Variants in COL1A2 observed in about 807,000 individuals in gnomAD.
COL1A2 encodes the protein collagen alpha-2(I) chain.
Under a neutral mutation model 174.3 loss-of-function variants are expected in COL1A2, and 49 were observed. The ratio of observed to expected loss-of-function variants is 0.28; its 90% CI spans 0.22 to 0.36. COL1A2 has a LOEUF of 0.36. Ranked by LOEUF, COL1A2 falls within the 10% of genes least tolerant of loss-of-function variation. COL1A2 has a pLI of 1.00. For missense variants in COL1A2, 1,438 were observed against 1,822.7 expected (o/e 0.79, Z 3.84); for synonymous variants, 655 against 606.6 (o/e 1.08, Z -1.17).
chr7:94,419,875 T>C (rs1038530976), intron 34 of COL1A2, among the ~76,000 whole-genome samples: 17 of 152,164 alleles, frequency 1.1e-4, no homozygotes, highest in African/African-American at 3.6e-4. Flanking sequence ...ATAAAATACA[T>C]AGTGTGCCCA....
chr7:94,418,042 A>C (rs1792078180), intron 32 of COL1A2, among the ~76,000 whole-genome samples: 1 of 152,182 alleles, frequency 6.6e-6, no homozygotes, highest in African/African-American at 2.4e-5. Flanking sequence ...ACACAAACAG[A>C]TGGTGTTGAG....
chr7:94,430,028 G>GGTTT (rs927582959), intron 51 of COL1A2: 3 of 578,292 alleles, frequency 5.2e-6, no homozygotes, highest in Admixed American at 3.0e-5. Context: ...TGGTTTTTTT[G>GGTTT]GTTTGTTTGT....
intron 37 of COL1A2, 81 bp downstream of exon 37, chr7:94,420,729 T>C (rs968246340): frequency 8.0e-7 from 1 of 1,249,622 alleles, no homozygotes; most frequent in African/African-American, 1.5e-5. Flanking sequence ...AAGTGCCTGC[T>C]ATGCAACAGG....
At position 94,410,381 on chromosome 7, in the gene COL1A2, T is replaced by A. The variant is rs139729939; in HGVS notation, c.1090-39T>A. 2.0e-4 allele frequency: 319 copies of A among 1,569,880 alleles called. No individual in the cohort carries two copies. In the African/African-American group the frequency reaches 3.9e-3, roughly 19 times the overall value. Reference sequence around the variant, plus strand: ...CAGCTGGACATAGTATTAAAATTATTTTTTTACTCCCTCTTCTTTTGTTCT... The same window carrying A: ...CAGCTGGACATAGTATTAAAATTATATTTTTACTCCCTCTTCTTTTGTTCT... On this transcript the variant is annotated intron_variant, in intron 20 of 51. Coordinates refer to ENST00000297268, the MANE Select transcript of COL1A2 (RefSeq NM_000089.4).
At position 94,413,696 on chromosome 7, in the gene COL1A2, C is replaced by T. The variant is rs199732595; in HGVS notation, c.1564C>T (p.Pro522Ser). ...HAGLAGARGAPGPDGNNGAQG... is the reference protein window; with the variant it reads ...HAGLAGARGASGPDGNNGAQG... ...TTCTGTTAAATATTTTTAGGGTGCT[C>T]CAGGTCCTGATGGAAACAATGGTGC... is the stretch of plus-strand genomic sequence containing the variant. The change falls in exon 27 of 52, where the codon CCA becomes TCA. Residue 522 changes from proline (P) to serine (S), a missense_variant. By Grantham distance (74) the Pro-to-Ser change is moderately conservative. Transcript: ENST00000297268. 2.0e-5 allele frequency: 32 copies of T among 1,614,052 alleles called. No homozygotes were observed. Among genetic ancestry groups the T allele is most frequent in the Admixed American group, 3.3e-5 (2 of 60,006 alleles).
chr7:94,415,433 A>G (rs1792020281), intron 30 of COL1A2, among the ~76,000 whole-genome samples, 163 bp downstream of exon 30: 2 of 152,304 alleles, frequency 1.3e-5, no homozygotes, highest in African/African-American at 4.8e-5. Context: ...TTGATAGTAG[A>G]ATTTTTTGTT....
At chr7:94,425,571 G>A (rs1321977958) in intron 42 of COL1A2, 39 bp from the exon 43 acceptor site, 7 of 1,604,114 alleles carry the variant, frequency 4.4e-6, no homozygotes, top group East Asian at 2.2e-5. Flanking sequence ...AGGCAGCAGA[G>A]CCTCACCAAC....
rs1355341375 is a variant in COL1A2 at position 94,416,335 on chromosome 7, C to G, written c.1765-70C>G. 7 of 1,328,700 alleles carry G rather than the reference C, an allele frequency of 5.3e-6. No homozygotes were observed. In the East Asian group the frequency reaches 1.5e-4, roughly 29 times the overall value. 82.3% of individuals were successfully genotyped at this position (1,328,700 alleles called of 1,614,324 possible). A position where few individuals can be genotyped will look rare whatever the true frequency, so the allele number is the denominator to read the frequency against. On this transcript the variant is annotated intron_variant, in intron 30 of 51. Transcript: ENST00000297268. ...GGCTCGGAAGCTACACAAATGTAAA[C>G]TCTCATATGTAAAACAGTATCACTG...
intron 28 of COL1A2, 73 bp downstream of exon 28, chr7:94,414,020 C>T: frequency 7.0e-7 from 1 of 1,418,448 alleles, no homozygotes; most frequent in Non-Finnish European, 1.0e-6. Context: ...TACCGTACCT[C>T]TCTTCTCCAC....
chr7:94,412,300 G>A (rs1425123676), intron 24 of COL1A2, among the ~76,000 whole-genome samples, 179 bp downstream of exon 24: 1 of 151,912 alleles, frequency 6.6e-6, no homozygotes, highest in Non-Finnish European at 1.5e-5. Context: ...AGGACTGAAA[G>A]CAGAGCAGGG....
intron 6 of COL1A2, among the ~76,000 whole-genome samples, chr7:94,403,921 CCATATTTT>C (rs1246850121): frequency 2.6e-5 from 4 of 152,136 alleles, no homozygotes; most frequent in Non-Finnish European, 5.9e-5. Flanking sequence ...ATCATTTGGG[CCATATTTT>C]CAACAATAAT....
chr7:94,404,977 C>T (rs1562899079), intron 9 of COL1A2, 85 bp downstream of exon 9: 3 of 1,474,528 alleles, frequency 2.0e-6, no homozygotes, highest in African/African-American at 1.4e-5. Flanking sequence ...ATTAAGTATT[C>T]TGCCAAAAGC....
intron 35 of COL1A2, 25 bp from the exon 36 acceptor site, chr7:94,420,365 AT>A: frequency 6.2e-7 from 1 of 1,614,114 alleles, no homozygotes; most frequent in Non-Finnish European, 8.5e-7. Context: ...TTGATAACAC[AT>A]TTTTAAATCC....
intron 44 of COL1A2, 50 bp downstream of exon 44, chr7:94,425,907 C>G: frequency 1.2e-6 from 2 of 1,605,336 alleles, no homozygotes; most frequent in Non-Finnish European, 1.7e-6. Flanking sequence ...GTGGGCTTCA[C>G]TTCTGACTTC....
Position 94,429,236 on chromosome 7 carries a change from C to T in COL1A2, c.3760C>T (p.Leu1254Phe), listed in dbSNP as rs1172537408. 10 of 1,612,920 alleles carry T rather than the reference C, an allele frequency of 6.2e-6. No homozygotes were observed. The highest frequency in any genetic ancestry group is 8.5e-6 in the Non-Finnish European group (10 of 1,179,308). The change falls in exon 51 of 52, where the codon CTT (leucine) becomes TTT (phenylalanine). Residue 1254 changes from leucine to phenylalanine, a missense_variant. By Grantham distance (22) the Leu-to-Phe change is conservative. Transcript: ENST00000297268. ...GACTTCCAAGGAAATGGCTACCCAA[C>T]TTGCCTTCATGCGCCTGCTGGCCAA... is the stretch of plus-strand genomic sequence containing the variant. ...GVTSKEMATQ[L>F]AFMRLLANYA...
At chr7:94,414,767 C>A (rs923430344) in intron 29 of COL1A2, among the ~76,000 whole-genome samples, 3 of 152,100 alleles carry the variant, frequency 2.0e-5, no homozygotes, top group African/African-American at 7.2e-5. Context: ...GCCTGGTCTC[C>A]TTTGTCAACA....
intron 40 of COL1A2, chr7:94,423,338 G>A (rs1021528053): frequency 1.7e-6 from 1 of 580,584 alleles, no homozygotes; most frequent in South Asian, 2.0e-5. Flanking sequence ...AGGGAACTCA[G>A]TTTTATCACA....
Position 94,424,422 on chromosome 7 carries a change from A to T in COL1A2, c.2652A>T (p.Leu884=), listed in dbSNP as rs767163464. ...GLPGSRGERG[L]PGVAGAVGEP... ...CTGGCTCGAGAGGTGAACGTGGTCT[A>T]CCAGGTGTTGCTGGTGCTGTGGTGA... The change falls in exon 41 of 52, where the codon CTA becomes CTT. Residue 884 remains leucine, a synonymous_variant. Transcript: ENST00000297268. 2.5e-6 allele frequency: 4 copies of T among 1,614,116 alleles called. No homozygotes were observed. The highest frequency in any genetic ancestry group is 3.4e-6 in the Non-Finnish European group (4 of 1,179,996).
intron 51 of COL1A2, 152 bp from the exon 52 acceptor site, chr7:94,430,095 A>G: frequency 1.3e-6 from 1 of 772,746 alleles, no homozygotes; most frequent in Non-Finnish European, 2.2e-6. Flanking sequence ...CACCCTTGAT[A>G]CTGTTATTTC....
Sources: gnomAD v4.1 joint callset for allele counts (sites outside exome capture counted in the v4.1 genomes callset) on GRCh38, gnomAD v4.1.1 for gene constraint, MANE v1.5 for transcripts, NCBI Gene and HGNC (gene_info 2026-07-23, HGNC 2026-07-21) for gene names.